ABCB11: variants seen among roughly 807,000 people sequenced by gnomAD.
ABCB11 encodes the protein bile salt export pump.
A neutral mutation model predicts 148.0 loss-of-function variants in ABCB11; 95 were observed. That is an observed-to-expected ratio of 0.64 (90% confidence interval 0.54 to 0.76). ABCB11 has a LOEUF of 0.76. Ranked by LOEUF, ABCB11 falls within the 30% of genes least tolerant of loss-of-function variation. The probability of loss-of-function intolerance (pLI) is 0.00; values close to 1 mark genes in which losing one functional copy is unlikely to be tolerated. For synonymous variants in ABCB11, 591 were observed against 555.4 expected (o/e 1.06, Z -0.90); for missense variants, 1,523 against 1,617.8 (o/e 0.94, Z 1.01).
chr2:168,948,238 G>C (rs1335124219), intron 19 of ABCB11, among the ~76,000 whole-genome samples: 1 of 151,736 alleles, frequency 6.6e-6, no homozygotes, highest in East Asian at 1.9e-4. Flanking sequence ...CAAAGAAGCT[G>C]ACATTTTGGA....
At chr2:168,955,109 A>T (rs1692733511) in intron 19 of ABCB11, among the ~76,000 whole-genome samples, 1 of 151,506 alleles carries the variant, frequency 6.6e-6, no homozygotes, top group Non-Finnish European at 1.5e-5. Flanking sequence ...TTATTTTTTT[A>T]AAATGCTATT....
At chr2:168,968,402 A>G in intron 17 of ABCB11, 25 bp downstream of exon 17, 34 of 1,604,378 alleles carry the variant, frequency 2.1e-5, no homozygotes, top group Non-Finnish European at 2.8e-5. Context: ...GAAAGCTTGT[A>G]ATCTGCCCCA....
Position 168,935,413 on chromosome 2 carries a change from C to T in ABCB11, c.2827G>A (p.Ala943Thr), listed in dbSNP as rs1404740012. The change falls in exon 23 of 28, where the codon GCC becomes ACC. Residue 943 changes from alanine (A) to threonine (T), a missense_variant. By Grantham distance (58) the Ala-to-Thr change is moderately conservative (BLOSUM62 0). Transcript: ENST00000650372. ...LEMVGQITNE[A>T]LSNIRTVAGI... Reference sequence around the variant, plus strand: ...GCAACAGTGCGGATGTTACTGAGGGCTTCATTTGTAATCTGAAGATTGAAA... The same window carrying T: ...GCAACAGTGCGGATGTTACTGAGGGTTTCATTTGTAATCTGAAGATTGAAA... 1.2e-6 allele frequency: 2 copies of T among 1,610,956 alleles called. No homozygotes were observed. Among genetic ancestry groups the T allele is most frequent in the East Asian group, 2.2e-5 (1 of 44,846 alleles).
At chr2:168,969,647 T>C (rs1693483212) in intron 15 of ABCB11, 96 bp from the exon 16 acceptor site, 3 of 1,122,770 alleles carry the variant, frequency 2.7e-6, no homozygotes, top group Non-Finnish European at 2.5e-6. Flanking sequence ...AGTTAGATCC[T>C]TGGTCCCTGG....
chr2:168,968,375 A>T, intron 17 of ABCB11, 52 bp downstream of exon 17: 1 of 1,527,416 alleles, frequency 6.5e-7, no homozygotes, highest in Non-Finnish European at 9.0e-7. Flanking sequence ...ACTACAGAGG[A>T]CTCCTCAGAA....
At chr2:168,951,088 G>C (rs954522311) in intron 19 of ABCB11, among the ~76,000 whole-genome samples, 4 of 151,404 alleles carry the variant, frequency 2.6e-5, no homozygotes, top group East Asian at 1.9e-4. Flanking sequence ...TTGGTTTTAG[G>C]TATGTGGCTT....
rs1363402394 is a variant in ABCB11, at chr2:168,970,153, T to C, written c.1701A>G (p.Val567=). Reference sequence around the variant, plus strand: ...TTCGGATGAGGGCTCTGGCGATAGCTACCCTTTGTTTCTGGCCACCACTCA... The same window carrying C: ...TTCGGATGAGGGCTCTGGCGATAGCCACCCTTTGTTTCTGGCCACCACTCA... ...GQMSGGQKQR[V]AIARALIRNP... is the part of the protein sequence containing the mutation. Residue 567 remains valine (V), a synonymous_variant, in exon 15 of 28, where the codon GTA becomes GTG. Transcript: ENST00000650372. 1 of 1,612,900 alleles carries C rather than the reference T, an allele frequency of 6.2e-7. No individual in the cohort carries two copies. The highest frequency in any genetic ancestry group is 8.5e-7 in the Non-Finnish European group (1 of 1,179,278).
intron 18 of ABCB11, among the ~76,000 whole-genome samples, chr2:168,963,334 G>A (rs1693158200): frequency 6.6e-6 from 1 of 151,706 alleles, no homozygotes; most frequent in South Asian, 2.1e-4. Context: ...AACTTTCAGA[G>A]GCTTATAATT....
chr2:168,943,268 T>G (rs1050471018), intron 21 of ABCB11, among the ~76,000 whole-genome samples: 2 of 151,868 alleles, frequency 1.3e-5, no homozygotes, highest in African/African-American at 4.8e-5. Flanking sequence ...GAGAGTGAAA[T>G]TGGAACAAAG....
chr2:169,014,465 T>C, intron 3 of ABCB11, 111 bp from the exon 4 acceptor site: 1 of 1,057,912 alleles, frequency 9.5e-7, no homozygotes, highest in Non-Finnish European at 1.4e-6. Flanking sequence ...AAATCCCCAC[T>C]GGCTGGAAAA....
chr2:168,968,572 T>G (rs1693420186), intron 16 of ABCB11, 82 bp from the exon 17 acceptor site: 3 of 1,172,376 alleles, frequency 2.6e-6, no homozygotes, highest in Admixed American at 2.4e-5. Context: ...CTATGTTTGC[T>G]TAGAATATAA....
downstream of ABCB11, among the ~76,000 whole-genome samples, chr2:168,915,473 A>G (rs567976115): frequency 1.4e-4 from 22 of 152,246 alleles, no homozygotes; most frequent in Middle Eastern, 0.014. Context: ...GTTAACAGCA[A>G]CAACAACAAC....
intron 5 of ABCB11, among the ~76,000 whole-genome samples, chr2:169,003,572 A>G (rs549033806): frequency 1.3e-5 from 2 of 152,152 alleles, no homozygotes; most frequent in East Asian, 1.9e-4. Flanking sequence ...TCTTTTTTGT[A>G]TAATGACTTA....
intron 19 of ABCB11, among the ~76,000 whole-genome samples, chr2:168,954,381 C>T (rs1325393218): frequency 6.6e-6 from 1 of 151,230 alleles, no homozygotes; most frequent in African/African-American, 2.4e-5. Flanking sequence ...TGTTTAAGAC[C>T]CCTTTGAGCA....
chr2:168,984,791 T>C (rs1157653406), intron 10 of ABCB11, among the ~76,000 whole-genome samples: 1 of 152,128 alleles, frequency 6.6e-6, no homozygotes, highest in Non-Finnish European at 1.5e-5. Flanking sequence ...CCCTTTACTA[T>C]AAAATATATA....
At chr2:169,013,626 GA>G in intron 4 of ABCB11, 116 bp from the exon 5 acceptor site, 1 of 743,516 alleles carries the variant, frequency 1.3e-6, no homozygotes, top group South Asian at 2.0e-5. Context: ...AATTTCATGG[GA>G]ATCACCTTAA....
rs3770580 is a variant in ABCB11, at chr2:168,945,813, T to C, written c.2344-852A>G. Among the ~76,000 whole-genome samples the C allele has an allele frequency of 3.6e-4, 55 of 151,998 alleles. No individual in the cohort carries two copies. In the East Asian group the frequency reaches 8.9e-3, roughly 25 times the overall value. On this transcript the variant is annotated intron_variant, in intron 19 of 27. Transcript: ENST00000650372. ...AGGTAATTTGCCGGTTAATTAGTTT[T>C]ATAGACTATACAGCATTAAAAAAGA... is the stretch of plus-strand genomic sequence containing the variant.
chr2:169,015,615 G>A (rs1463045022), intron 3 of ABCB11, among the ~76,000 whole-genome samples: 1 of 151,938 alleles, frequency 6.6e-6, no homozygotes, highest in Non-Finnish European at 1.5e-5. Flanking sequence ...ACCTTCCTTT[G>A]AAATCACCTA....
At chr2:168,918,473 A>G (rs145500358), downstream of ABCB11, among the ~76,000 whole-genome samples, 7 of 152,338 alleles carry the variant, frequency 4.6e-5, no homozygotes, top group East Asian at 1.3e-3. Flanking sequence ...CACACATAAC[A>G]GATGCATGCA....
Sources: gnomAD v4.1 joint callset for allele counts (sites outside exome capture counted in the v4.1 genomes callset) on GRCh38, gnomAD v4.1.1 for gene constraint, MANE v1.5 for transcripts, NCBI Gene and HGNC (gene_info 2026-07-23, HGNC 2026-07-21) for gene names.